MAML3: variants seen among roughly 807,000 people sequenced by gnomAD.
The protein encoded by MAML3 is mastermind like transcriptional coactivator 3.
In MAML3, 27 loss-of-function variants were observed where a neutral mutation model predicts 101.9. The observed-to-expected ratio is 0.27, with a 90% CI of 0.20 to 0.37. The LOEUF (loss-of-function observed/expected upper bound fraction) is 0.37. Ranked by LOEUF, MAML3 falls within the 10% of genes least tolerant of loss-of-function variation. The pLI is 1.00. For synonymous variants in MAML3, 501 were observed against 555.9 expected (o/e 0.90, Z 1.39); for missense variants, 1,316 against 1,444.9 (o/e 0.91, Z 1.45).
rs10644498 is a variant in MAML3, at chr4:139,943,864, C to CTTTTTTT, written c.469-52904_469-52898dup. On this transcript the variant is annotated intron_variant, in intron 1 of 4. Coordinates refer to ENST00000509479, the MANE Select transcript of MAML3 (RefSeq NM_018717.5). The stretch of plus-strand genomic sequence containing the variant: ...GGTTGGGTTGTGGGCCTAAAGACAA[C>CTTTTTTT]TTTTTTTTTTTTTTTTTTTTTTTTG... Among the ~76,000 whole-genome samples, 129 of 65,858 alleles carry CTTTTTTT rather than the reference C, an allele frequency of 2.0e-3. 2 individuals are homozygous for CTTTTTTT. Among genetic ancestry groups the CTTTTTTT allele is most frequent in the East Asian group, 5.8e-3 (11 of 1,908 alleles). The allele number at this position is 65,858 out of a possible 152,430, so 43.2% of individuals were successfully genotyped here.
chr4:139,865,611 T>C (rs1391810055), intron 2 of MAML3, among the ~76,000 whole-genome samples: 1 of 152,056 alleles, frequency 6.6e-6, no homozygotes, highest in Non-Finnish European at 1.5e-5. Flanking sequence ...CTCTTTTTCC[T>C]CTTGTTTAAC....
At chr4:140,123,996 C>T (rs1728648103) in intron 1 of MAML3, among the ~76,000 whole-genome samples, 2 of 152,164 alleles carry the variant, frequency 1.3e-5, no homozygotes, top group South Asian at 4.1e-4. Flanking sequence ...AAATGAAAAT[C>T]CCTTGTTTTA....
intron 1 of MAML3, among the ~76,000 whole-genome samples, chr4:140,140,542 GC>G (rs1365726190): frequency 1.3e-5 from 2 of 152,008 alleles, no homozygotes; most frequent in Non-Finnish European, 2.9e-5. Flanking sequence ...CATTAACTTA[GC>G]TAGCCAAAGG....
intron 1 of MAML3, among the ~76,000 whole-genome samples, chr4:139,898,263 T>G (rs563047233): frequency 6.6e-6 from 1 of 152,364 alleles, no homozygotes; most frequent in South Asian, 2.1e-4. Flanking sequence ...AATAAACGTA[T>G]AATTTCTGTT....
chr4:139,771,161 G>A (rs897361810), intron 2 of MAML3, among the ~76,000 whole-genome samples: 5 of 152,144 alleles, frequency 3.3e-5, no homozygotes, highest in African/African-American at 7.2e-5. Flanking sequence ...GATGTATTAC[G>A]CTGCACATCA....
chr4:140,030,872 T>C (rs1726897387), intron 1 of MAML3, among the ~76,000 whole-genome samples: 1 of 152,214 alleles, frequency 6.6e-6, no homozygotes. Context: ...ACTGCTGTGT[T>C]AAGCAGAGAT....
chr4:139,856,889 T>C (rs150547217), intron 2 of MAML3, among the ~76,000 whole-genome samples: 392 of 152,258 alleles, frequency 2.6e-3, no homozygotes, highest in African/African-American at 9.1e-3. Flanking sequence ...AAGGCAACAA[T>C]AAATCTAAAT....
At chr4:140,065,583 C>T (rs1727521879) in intron 1 of MAML3, among the ~76,000 whole-genome samples, 2 of 152,160 alleles carry the variant, frequency 1.3e-5, no homozygotes, top group Non-Finnish European at 2.9e-5. Flanking sequence ...ACTTGTCAGA[C>T]TAGCAAGGCT....
intron 1 of MAML3, among the ~76,000 whole-genome samples, chr4:140,073,124 A>G (rs1727692729): frequency 6.6e-6 from 1 of 151,538 alleles, no homozygotes; most frequent in Non-Finnish European, 1.5e-5. Flanking sequence ...TTCCATACCA[A>G]TTTATATCCA....
At chr4:140,126,367 T>C (rs1030376765) in intron 1 of MAML3, among the ~76,000 whole-genome samples, 2 of 152,108 alleles carry the variant, frequency 1.3e-5, no homozygotes, top group African/African-American at 4.8e-5. Flanking sequence ...CACCATCCTA[T>C]TGTAAACCCT....
At chr4:139,795,776 C>T (rs191673881) in intron 2 of MAML3, among the ~76,000 whole-genome samples, 63 of 152,268 alleles carry the variant, frequency 4.1e-4, no homozygotes, top group East Asian at 2.7e-3. Flanking sequence ...TTGCAACATG[C>T]GGTAGTACCA....
chr4:139,823,514 G>A (rs1171874960), intron 2 of MAML3, among the ~76,000 whole-genome samples: 1 of 152,112 alleles, frequency 6.6e-6, no homozygotes, highest in Admixed American at 6.6e-5. Flanking sequence ...CTGCATGTGC[G>A]TGTTGGCATT....
intron 1 of MAML3, among the ~76,000 whole-genome samples, chr4:140,051,133 C>T (rs142973341): frequency 1.6e-4 from 24 of 152,252 alleles, no homozygotes; most frequent in African/African-American, 5.8e-4. Context: ...ATGTTGAGGA[C>T]AATATCTATA....
chr4:140,020,621 T>C (rs929983091), intron 1 of MAML3, among the ~76,000 whole-genome samples: 1 of 152,168 alleles, frequency 6.6e-6, no homozygotes, highest in African/African-American at 2.4e-5. Flanking sequence ...GTTTCTTGTG[T>C]GGAACAGCTA....
At chr4:139,983,279 C>A (rs1734479451) in intron 1 of MAML3, among the ~76,000 whole-genome samples, 1 of 152,200 alleles carries the variant, frequency 6.6e-6, no homozygotes, top group African/African-American at 2.4e-5. Flanking sequence ...CCTCCCAAAT[C>A]CCTGGCAACC....
At chr4:139,883,559 G>T (rs1265657081) in intron 2 of MAML3, among the ~76,000 whole-genome samples, 1 of 152,128 alleles carries the variant, frequency 6.6e-6, no homozygotes, top group Admixed American at 6.5e-5. Context: ...ACTGTGTGTG[G>T]GGGGGTTGTG....
intron 1 of MAML3, among the ~76,000 whole-genome samples, chr4:140,115,292 T>C (rs1283009142): frequency 3.9e-5 from 6 of 152,216 alleles, no homozygotes; most frequent in Admixed American, 3.9e-4. Context: ...TTTCTCTTCC[T>C]CCTGAAACTC....
chr4:139,920,493 C>T (rs1035791599), intron 1 of MAML3, among the ~76,000 whole-genome samples: 2 of 152,040 alleles, frequency 1.3e-5, no homozygotes, highest in Non-Finnish European at 2.9e-5. Context: ...ATAAGAACTC[C>T]CCAAAACAAA....
chr4:139,905,422 G>A (rs1266299455), intron 1 of MAML3, among the ~76,000 whole-genome samples: 1 of 141,356 alleles, frequency 7.1e-6, no homozygotes, highest in African/African-American at 2.6e-5. Context: ...AACCCGGGAG[G>A]CAGAGCTTGC....
Sources: gnomAD v4.1 joint callset for allele counts (sites outside exome capture counted in the v4.1 genomes callset) on GRCh38, gnomAD v4.1.1 for gene constraint, MANE v1.5 for transcripts, NCBI Gene and HGNC (gene_info 2026-07-23, HGNC 2026-07-21) for gene names.